PRKN: variants seen among roughly 807,000 people sequenced by gnomAD.
PRKN encodes the protein parkin RBR E3 ubiquitin protein ligase.
A neutral mutation model predicts 59.5 loss-of-function variants in PRKN; 56 were observed. The observed-to-expected ratio is 0.94, with a 90% CI of 0.76 to 1.18. The LOEUF (loss-of-function observed/expected upper bound fraction) is 1.18. Among genes scored for constraint, PRKN ranks in the 50% most tolerant of loss-of-function variants. PRKN has a pLI of 0.00. For missense variants in PRKN, 657 were observed against 596.4 expected, an observed-to-expected ratio of 1.10 and a Z score of -1.06; for synonymous variants, 250 against 222.1, an observed-to-expected ratio of 1.13 and a Z score of -1.12.
intron 4 of PRKN, among the ~76,000 whole-genome samples, chr6:162,142,169 G>A (rs1378062807): frequency 6.6e-6 from 1 of 151,930 alleles, no homozygotes; most frequent in Non-Finnish European, 1.5e-5. Flanking sequence ...GAAATGGATA[G>A]AAAAAAAATG....
intron 1 of PRKN, among the ~76,000 whole-genome samples, chr6:162,530,242 T>C (rs1249628330): frequency 2.0e-5 from 3 of 152,002 alleles, no homozygotes; most frequent in African/African-American, 2.4e-5. Flanking sequence ...GGAAGTGGGA[T>C]GGGGCGGAGA....
At chr6:161,742,231 A>G (rs1199929947) in intron 7 of PRKN, among the ~76,000 whole-genome samples, 5 of 152,046 alleles carry the variant, frequency 3.3e-5, no homozygotes, top group African/African-American at 1.2e-4. Flanking sequence ...CAGCCTCCCA[A>G]AGTGCTGGGA....
intron 1 of PRKN, among the ~76,000 whole-genome samples, chr6:162,537,497 T>C (rs867284900): frequency 6.6e-6 from 1 of 152,114 alleles, no homozygotes; most frequent in African/African-American, 2.4e-5. Context: ...GGCCCACAGT[T>C]TCCTCCCTGC....
rs2128122591 is a variant in PRKN, at chr6:162,323,865, C to T, written c.172-61100G>A. Among the ~76,000 whole-genome samples the T allele has an allele frequency of 3.3e-5, 5 of 152,226 alleles. 1 individual carries two copies. The Middle Eastern group carries it at 0.017, about 521-fold the overall frequency. ...GTGATTTTTACAATTGAGACATAAGCTGATCATATGACTAAGCTATTCTAC... is the reference window on the plus strand; with the variant it reads ...GTGATTTTTACAATTGAGACATAAGTTGATCATATGACTAAGCTATTCTAC... On this transcript the variant is annotated intron_variant, in intron 2 of 11. Coordinates refer to ENST00000366898, the MANE Select transcript of PRKN (RefSeq NM_004562.3).
intron 2 of PRKN, among the ~76,000 whole-genome samples, chr6:162,315,238 G>C (rs949379750): frequency 6.6e-6 from 1 of 152,058 alleles, no homozygotes. Flanking sequence ...TGCTAAAAGT[G>C]GTAATTGATC....
chr6:162,111,878 A>T (rs1205484138), intron 4 of PRKN, among the ~76,000 whole-genome samples: 1 of 152,182 alleles, frequency 6.6e-6, no homozygotes, highest in African/African-American at 2.4e-5. Flanking sequence ...AACTCAACAG[A>T]ATTCTACCAC....
Position 161,552,802 on chromosome 6 carries a change from T to G in PRKN, c.934-3799A>C, listed in dbSNP as rs1320440471. ...TTTTGTTGTTGTTTTTGTTTTTTGTTTTTTTTTTTTAGACGGAGTCTCGTT... is the reference window on the plus strand; with the variant it reads ...TTTTGTTGTTGTTTTTGTTTTTTGTGTTTTTTTTTTAGACGGAGTCTCGTT... On this transcript the variant is annotated intron_variant, in intron 8 of 11. Transcript: ENST00000366898. This position sits in a 1 kb window ranked among gnomAD's most constrained non-coding sequence, Gnocchi z 4.9. Among the ~76,000 whole-genome samples the G allele has an allele frequency of 4.6e-3, 678 of 147,978 alleles. 11 individuals carry two copies. Among genetic ancestry groups the G allele is most frequent in the African/African-American group, 0.015 (629 of 40,602 alleles).
chr6:162,347,212 G>T (rs1245282434), intron 2 of PRKN, among the ~76,000 whole-genome samples: 1 of 147,000 alleles, frequency 6.8e-6, no homozygotes. Flanking sequence ...TCTTATGTTG[G>T]ATGCTTAGTT....
intron 7 of PRKN, among the ~76,000 whole-genome samples, chr6:161,631,954 G>A (rs1783330729): frequency 6.6e-6 from 1 of 152,186 alleles, no homozygotes; most frequent in South Asian, 2.1e-4. Context: ...ATAAAAAAAT[G>A]TGTAAGTCGT....
At chr6:162,201,744 T>G (rs1443857604) in intron 3 of PRKN, among the ~76,000 whole-genome samples, 1 of 152,152 alleles carries the variant, frequency 6.6e-6, no homozygotes, top group East Asian at 1.9e-4. Context: ...AGGGTTGACT[T>G]TCTAACTCAC....
chr6:161,738,527 T>C (rs945345998), intron 7 of PRKN, among the ~76,000 whole-genome samples: 10 of 152,206 alleles, frequency 6.6e-5, no homozygotes, highest in Admixed American at 5.9e-4. Context: ...AAGGGTAAAA[T>C]GTGTCCCTGA....
intron 2 of PRKN, among the ~76,000 whole-genome samples, chr6:162,328,510 G>A (rs1216118815): frequency 6.6e-6 from 1 of 152,186 alleles, no homozygotes; most frequent in African/African-American, 2.4e-5. Flanking sequence ...TTACAAAGAT[G>A]GGTGAATAAG....
In PRKN at chr6:161,471,953, T is replaced by C. The variant is rs1354882124; in HGVS notation, c.1083+76901A>G. On this transcript the variant is annotated intron_variant, in intron 9 of 11. Coordinates refer to ENST00000366898, the MANE Select transcript of PRKN (RefSeq NM_004562.3). This position sits in a 1 kb window ranked among gnomAD's most constrained non-coding sequence, Gnocchi z 4.5. Reference sequence around the variant, plus strand: ...ATCTGTTTAATTTCAATACCAACTTTGGGAGACATTAAAAAAAAATACTGA... The same window carrying C: ...ATCTGTTTAATTTCAATACCAACTTCGGGAGACATTAAAAAAAAATACTGA... Among the ~76,000 whole-genome samples the C allele has an allele frequency of 1.3e-5, 2 of 152,036 alleles. No homozygotes were observed. The highest frequency in any genetic ancestry group is 2.9e-5 in the Non-Finnish European group (2 of 68,000).
At chr6:161,528,484 T>C (rs1253506600) in intron 9 of PRKN, among the ~76,000 whole-genome samples, 1 of 152,136 alleles carries the variant, frequency 6.6e-6, no homozygotes, top group African/African-American at 2.4e-5. Flanking sequence ...GACAGGAACT[T>C]GGAGAACTCC....
chr6:162,051,703 A>G (rs1023134202), intron 5 of PRKN, among the ~76,000 whole-genome samples: 1 of 152,140 alleles, frequency 6.6e-6, no homozygotes, highest in Non-Finnish European at 1.5e-5. Context: ...GCTGATGGGA[A>G]GAAGCCTTCC....
intron 7 of PRKN, among the ~76,000 whole-genome samples, chr6:161,635,646 T>A (rs147197672): frequency 6.6e-6 from 1 of 152,302 alleles, no homozygotes; most frequent in African/African-American, 2.4e-5. Flanking sequence ...CATTGGGTTT[T>A]ATTTTGCTGC....
rs763058481 is a variant in PRKN, at chr6:162,727,686, C to T, written c.-18G>A. On this transcript the variant is annotated 5_prime_UTR_variant, in exon 1 of 12. Coordinates refer to ENST00000366898, the MANE Select transcript of PRKN (RefSeq NM_004562.3). ...CCTATCATGGTCACTGGGTAGGTGG[C>T]GGCTGCGGGCCAGGAACAGGCCCAT... The T allele has an allele frequency of 1.9e-6, 3 of 1,572,020 alleles. No individual in the cohort carries two copies. The highest frequency in any genetic ancestry group is 1.7e-6 in the Non-Finnish European group (2 of 1,159,922).
intron 2 of PRKN, among the ~76,000 whole-genome samples, chr6:162,387,565 G>C (rs879548289): frequency 0.21 from 23,262 of 112,834 alleles, 2,017 homozygotes; most frequent in South Asian, 0.25. Flanking sequence ...CAGAGAGAGA[G>C]AGAGAGAGAG....
chr6:162,617,702 A>G (rs755422257), intron 1 of PRKN, among the ~76,000 whole-genome samples: 2 of 152,150 alleles, frequency 1.3e-5, no homozygotes, highest in Non-Finnish European at 1.5e-5. Flanking sequence ...TTATGCAGTT[A>G]TCTGTCTTTC....
Sources: gnomAD v4.1 joint callset for allele counts (sites outside exome capture counted in the v4.1 genomes callset) on GRCh38, gnomAD v4.1.1 for gene constraint, Gnocchi (gnomAD v3.1) non-coding constraint, MANE v1.5 for transcripts, NCBI Gene and HGNC (gene_info 2026-07-23, HGNC 2026-07-21) for gene names.